Variants in RETREG1 observed in about 807,000 individuals in gnomAD.
RETREG1 encodes reticulophagy regulator 1.
RETREG1 carries 44 observed loss-of-function variants against 54.8 expected under a neutral mutation model. The observed-to-expected ratio is 0.80, with a 90% confidence interval of 0.63 to 1.03. The LOEUF (loss-of-function observed/expected upper bound fraction) is 1.03, where lower values mean the gene tolerates loss of function less well. RETREG1 is among the 50% of genes least tolerant of loss of function. RETREG1 has a pLI of 0.00. For missense variants in RETREG1, 554 were observed against 605.1 expected, an observed-to-expected ratio of 0.92 and a Z score of 0.89; for synonymous variants, 217 against 238.5, an observed-to-expected ratio of 0.91 and a Z score of 0.83.
intron 1 of RETREG1, among the ~76,000 whole-genome samples, chr5:16,586,311 A>T (rs1307659309): frequency 6.6e-6 from 1 of 152,206 alleles, no homozygotes; most frequent in Non-Finnish European, 1.5e-5. Context: ...TACAATATGA[A>T]TGTGGGATCC....
intron 3 of RETREG1, among the ~76,000 whole-genome samples, chr5:16,485,108 CA>C (rs1188241188): frequency 6.6e-6 from 1 of 151,912 alleles, no homozygotes; most frequent in Non-Finnish European, 1.5e-5. Flanking sequence ...AGCTATATGG[CA>C]AAGGAAATAT....
intron 3 of RETREG1, among the ~76,000 whole-genome samples, chr5:16,492,229 T>TCTCTCTCACA (rs1406702350): frequency 0.16 from 17,358 of 110,054 alleles, 1,363 homozygotes; most frequent in Non-Finnish European, 0.23. Flanking sequence ...TCTCTCTCTC[T>TCTCTCTCACA]CACACACACA....
chr5:16,504,472 C>T (rs1020249097), intron 3 of RETREG1, among the ~76,000 whole-genome samples: 1 of 152,146 alleles, frequency 6.6e-6, no homozygotes, highest in Non-Finnish European at 1.5e-5. Flanking sequence ...GAGCAGATTC[C>T]ATGACATTCA....
intron 3 of RETREG1, among the ~76,000 whole-genome samples, chr5:16,483,692 ACACT>A (rs1427755699): frequency 4.6e-5 from 7 of 152,160 alleles, no homozygotes; most frequent in African/African-American, 1.7e-4. Flanking sequence ...AATCAGGGAA[ACACT>A]CAGGGAGAAC....
chr5:16,525,355 G>A (rs1240882688), intron 3 of RETREG1, among the ~76,000 whole-genome samples: 5 of 151,860 alleles, frequency 3.3e-5, no homozygotes, highest in Non-Finnish European at 1.5e-5. Context: ...GCTGATCTGC[G>A]TCCTTCGAGA....
At chr5:16,591,676 A>G (rs1211357790) in intron 1 of RETREG1, among the ~76,000 whole-genome samples, 1 of 152,180 alleles carries the variant, frequency 6.6e-6, no homozygotes, top group Non-Finnish European at 1.5e-5. Flanking sequence ...AAACAACCCT[A>G]ACAACTTTCT....
intron 1 of RETREG1, among the ~76,000 whole-genome samples, chr5:16,583,960 C>T (rs1253439721): frequency 6.6e-6 from 1 of 152,150 alleles, no homozygotes; most frequent in Non-Finnish European, 1.5e-5. Context: ...TAACTGCAGC[C>T]ATAAGAAGGA....
chr5:16,549,265 A>C lies in RETREG1; in HGVS notation c.458+16498T>G, dbSNP rs112310175. ...TTGGAGGACTGTCATGCCTTCATCA[A>C]AGAACAAGACGAATTTATAAGCAAT... On this transcript the variant is annotated intron_variant, in intron 3 of 8. Transcript: ENST00000306320. Among the ~76,000 whole-genome samples, 1,256 of 152,328 alleles carry C rather than the reference A, an allele frequency of 8.2e-3. 11 individuals are homozygous for C. Among genetic ancestry groups the C allele is most frequent in the Middle Eastern group, 0.041 (12 of 294 alleles).
chr5:16,577,791 CA>C (rs2126316051), intron 1 of RETREG1, among the ~76,000 whole-genome samples: 2 of 152,226 alleles, frequency 1.3e-5, no homozygotes, highest in South Asian at 4.2e-4. Flanking sequence ...GAGTAAGTCT[CA>C]CGAGATCTGA....
chr5:16,535,652 C>T (rs1194925896), intron 3 of RETREG1, among the ~76,000 whole-genome samples: 4 of 132,246 alleles, frequency 3.0e-5, no homozygotes, highest in Admixed American at 7.4e-5. Flanking sequence ...CCTGTGTGCA[C>T]GCTGCCTTCA....
At chr5:16,478,794 A>G (rs997467733) in intron 6 of RETREG1, 56 bp downstream of exon 6, 2 of 1,539,198 alleles carry the variant, frequency 1.3e-6, no homozygotes, top group South Asian at 2.3e-5. Context: ...TTTCCTAAAA[A>G]TAGCTCGCTA....
intron 3 of RETREG1, among the ~76,000 whole-genome samples, chr5:16,488,263 C>T (rs914246809): frequency 5.9e-5 from 9 of 152,266 alleles, no homozygotes; most frequent in Admixed American, 1.3e-4. Context: ...TATGCAACAA[C>T]GATTTTCAAA....
chr5:16,571,927 T>C (rs1742179701), intron 2 of RETREG1, 69 bp downstream of exon 2: 1 of 1,194,124 alleles, frequency 8.4e-7, no homozygotes, highest in African/African-American at 1.5e-5. Flanking sequence ...CTAATATGCC[T>C]ACACAAAGAT....
chr5:16,527,291 A>G (rs1740743623), intron 3 of RETREG1, among the ~76,000 whole-genome samples: 1 of 152,350 alleles, frequency 6.6e-6, no homozygotes, highest in East Asian at 1.9e-4. Flanking sequence ...CTAAACCACC[A>G]AGTCAGCCTG....
chr5:16,499,881 A>T (rs1344353247), intron 3 of RETREG1, among the ~76,000 whole-genome samples: 1 of 152,180 alleles, frequency 6.6e-6, no homozygotes, highest in Non-Finnish European at 1.5e-5. Context: ...CTCCCTTCCA[A>T]AGCAAAGAAT....
At position 16,473,861 on chromosome 5, in the gene RETREG1, C is replaced by G. The variant is rs773036669; in HGVS notation, c.*880G>C. The G allele has an allele frequency of 2.0e-5, 3 of 152,106 alleles. No homozygotes were observed. Among genetic ancestry groups the G allele is most frequent in the Non-Finnish European group, 2.9e-5 (2 of 68,012 alleles). The allele number at this position is 152,106 out of a possible 1,614,324, so 9.4% of individuals were successfully genotyped here. A position where few individuals can be genotyped will look rare whatever the true frequency, so the allele number is the denominator to read the frequency against. On this transcript the variant is annotated 3_prime_UTR_variant, in exon 9 of 9. Coordinates refer to ENST00000306320, the MANE Select transcript of RETREG1 (RefSeq NM_001034850.3). ...CACATCACTCATCAAGAACTAGTTTCACAATTTTAGGAGACTTTTTTCATG... is the reference window on the plus strand; with the variant it reads ...CACATCACTCATCAAGAACTAGTTTGACAATTTTAGGAGACTTTTTTCATG...
At chr5:16,494,607 C>T (rs144759682) in intron 3 of RETREG1, among the ~76,000 whole-genome samples, 2,838 of 152,284 alleles carry the variant, frequency 0.019, 34 homozygotes, top group Non-Finnish European at 0.031. Flanking sequence ...TTGCCTTCTG[C>T]CATGATTGGC....
intron 3 of RETREG1, among the ~76,000 whole-genome samples, chr5:16,544,976 T>C (rs1266970303): frequency 6.6e-6 from 1 of 152,226 alleles, no homozygotes; most frequent in Non-Finnish European, 1.5e-5. Flanking sequence ...ACAATTAGCT[T>C]ATGTGACAAC....
intron 3 of RETREG1, among the ~76,000 whole-genome samples, chr5:16,538,695 C>A (rs1471446785): frequency 6.6e-6 from 1 of 151,416 alleles, no homozygotes; most frequent in Non-Finnish European, 1.5e-5. Flanking sequence ...CAAATACATT[C>A]TTTCATTCTT....
Sources: allele counts gnomAD v4.1 joint callset (sites outside exome capture counted in the v4.1 genomes callset), GRCh38; gene constraint gnomAD v4.1.1; transcripts MANE v1.5; gene names NCBI Gene and HGNC (gene_info 2026-07-23, HGNC 2026-07-21).